Variants in PDZRN4 observed in about 807,000 individuals in gnomAD.
The protein encoded by PDZRN4 is PDZ domain-containing RING finger protein 4.
A neutral mutation model predicts 99.0 loss-of-function variants in PDZRN4; 70 were observed. The observed-to-expected ratio is 0.71, with a 90% confidence interval of 0.58 to 0.86. The LOEUF (loss-of-function observed/expected upper bound fraction) is 0.86, where lower values mean the gene tolerates loss of function less well. Ranked by LOEUF, PDZRN4 falls within the 40% of genes least tolerant of loss-of-function variation. PDZRN4 has a pLI of 0.00. For synonymous variants in PDZRN4, 551 were observed against 501.6 expected, an observed-to-expected ratio of 1.10 and a Z score of -1.32; for missense variants, 1,474 against 1,331.2, an observed-to-expected ratio of 1.11 and a Z score of -1.67.
chr12:41,540,445 T>A (rs745796033), intron 5 of PDZRN4, among the ~76,000 whole-genome samples: 41 of 152,206 alleles, frequency 2.7e-4, no homozygotes, highest in Admixed American at 6.5e-4. Context: ...CTTTCTTTGA[T>A]CTACCTTCAG....
intron 3 of PDZRN4, among the ~76,000 whole-genome samples, chr12:41,346,245 G>A (rs1354558235): frequency 6.6e-6 from 1 of 152,068 alleles, no homozygotes; most frequent in African/African-American, 2.4e-5. Context: ...GGCAGATCAC[G>A]AGGTCAGGAG....
At chr12:41,336,586 T>C (rs1951776323) in intron 3 of PDZRN4, among the ~76,000 whole-genome samples, 1 of 152,084 alleles carries the variant, frequency 6.6e-6, no homozygotes, top group Non-Finnish European at 1.5e-5. Context: ...CAGAGCCAAT[T>C]TATCAAGACA....
At chr12:41,341,930 C>A (rs976511074) in intron 3 of PDZRN4, among the ~76,000 whole-genome samples, 1 of 151,878 alleles carries the variant, frequency 6.6e-6, no homozygotes, top group African/African-American at 2.4e-5. Context: ...GAAGGTATCA[C>A]ACTACTTGAC....
At chr12:41,485,630 G>T (rs1466560937) in intron 3 of PDZRN4, among the ~76,000 whole-genome samples, 1 of 151,848 alleles carries the variant, frequency 6.6e-6, no homozygotes, top group East Asian at 1.9e-4. Flanking sequence ...AACAAAAATA[G>T]CTTATTACCT....
At chr12:41,420,668 T>C (rs139215798) in intron 3 of PDZRN4, among the ~76,000 whole-genome samples, 31 of 152,284 alleles carry the variant, frequency 2.0e-4, no homozygotes, top group East Asian at 1.9e-3. Flanking sequence ...CTCCCTTAAC[T>C]CTTGTCTTTA....
chr12:41,350,845 T>G (rs918298626), intron 3 of PDZRN4, among the ~76,000 whole-genome samples: 4 of 151,556 alleles, frequency 2.6e-5, no homozygotes, highest in Admixed American at 2.6e-4. Flanking sequence ...GGACTGGAGT[T>G]TGTCTGACCC....
chr12:41,273,530 T>C (rs561346389), intron 3 of PDZRN4, among the ~76,000 whole-genome samples: 2 of 152,186 alleles, frequency 1.3e-5, no homozygotes, highest in South Asian at 4.1e-4. Context: ...ATAGGGCATC[T>C]CCCAGAGATG....
At chr12:41,531,255 T>C (rs1286896275) in intron 5 of PDZRN4, among the ~76,000 whole-genome samples, 1 of 152,034 alleles carries the variant, frequency 6.6e-6, no homozygotes, top group African/African-American at 2.4e-5. Context: ...AGGGAGATGA[T>C]TTTCCCTCGG....
At position 41,189,031 on chromosome 12, in the gene PDZRN4, C is replaced by A; in HGVS notation, c.576C>A (p.Tyr192Ter). Residue 192 changes from tyrosine to a stop codon, truncating the protein, a stop_gained, in exon 1 of 10, where the codon TAC (tyrosine) becomes TAA (stop). Coordinates refer to ENST00000402685, the MANE Select transcript of PDZRN4 (RefSeq NM_001164595.2). LOFTEE classifies it high-confidence loss of function. The stretch of plus-strand genomic sequence containing the variant: ...AGGTGCAGCTCACGGCGCGCAGGTA[C>A]CAGGAGAAGTTCACCCAATACATGG... ...QGEVQLTARRYQEKFTQYMAH... is the reference protein window; with the variant it reads ...QGEVQLTARR 1.9e-6 allele frequency: 3 copies of A among 1,569,632 alleles called. No homozygotes were observed. Among genetic ancestry groups the A allele is most frequent in the East Asian group, 2.3e-5 (1 of 43,156 alleles).
intron 3 of PDZRN4, among the ~76,000 whole-genome samples, chr12:41,440,752 C>T (rs543572553): frequency 1.3e-5 from 2 of 152,248 alleles, no homozygotes; most frequent in East Asian, 1.9e-4. Context: ...CATCTTTATG[C>T]ACCTATTAAC....
At chr12:41,477,378 C>A (rs1937613024) in intron 3 of PDZRN4, among the ~76,000 whole-genome samples, 1 of 152,146 alleles carries the variant, frequency 6.6e-6, no homozygotes, top group South Asian at 2.1e-4. Flanking sequence ...AATAAATGAA[C>A]AGGCTCTCAC....
chr12:41,355,624 A>G (rs1305450588), intron 3 of PDZRN4, among the ~76,000 whole-genome samples: 3 of 152,110 alleles, frequency 2.0e-5, no homozygotes, highest in Non-Finnish European at 4.4e-5. Context: ...AAATCTGTCA[A>G]TGGTAAACCA....
At chr12:41,492,634 G>A (rs1005382699) in intron 3 of PDZRN4, among the ~76,000 whole-genome samples, 1 of 152,074 alleles carries the variant, frequency 6.6e-6, no homozygotes, top group Admixed American at 6.6e-5. Context: ...CTGTCCTAGC[G>A]TTTGTATTAA....
chr12:41,495,034 A>G (rs939937976), intron 3 of PDZRN4, among the ~76,000 whole-genome samples: 1 of 152,124 alleles, frequency 6.6e-6, no homozygotes, highest in Non-Finnish European at 1.5e-5. Flanking sequence ...CAACTTCTAT[A>G]TATTCTCTTT....
intron 5 of PDZRN4, among the ~76,000 whole-genome samples, chr12:41,510,248 T>G (rs1638546165): frequency 6.6e-6 from 1 of 152,124 alleles, no homozygotes; most frequent in Non-Finnish European, 1.5e-5. Context: ...AAAGATTGTG[T>G]TTACTATTTT....
chr12:41,475,737 C>T (rs925516669), intron 3 of PDZRN4, among the ~76,000 whole-genome samples: 1 of 152,066 alleles, frequency 6.6e-6, no homozygotes, highest in Non-Finnish European at 1.5e-5. Flanking sequence ...ACCATAATTC[C>T]TTTTGTATGC....
intron 2 of PDZRN4, among the ~76,000 whole-genome samples, 173 bp downstream of exon 2, chr12:41,191,717 A>G (rs1332802768): frequency 1.3e-5 from 2 of 152,158 alleles, no homozygotes; most frequent in African/African-American, 4.8e-5. Context: ...AGATTTCTTA[A>G]TGCAAATATT....
chr12:41,542,372 G>T (rs968242696), intron 5 of PDZRN4, among the ~76,000 whole-genome samples: 1 of 151,964 alleles, frequency 6.6e-6, no homozygotes, highest in Admixed American at 6.6e-5. Context: ...AGACACTAAG[G>T]GTTGAAAGAA....
intron 3 of PDZRN4, among the ~76,000 whole-genome samples, chr12:41,469,955 A>T (rs1028516392): frequency 2.1e-4 from 32 of 152,142 alleles, no homozygotes; most frequent in African/African-American, 4.3e-4. Context: ...AAAATAAAAA[A>T]AATAAAAATA....
Sources: gnomAD v4.1 joint callset for allele counts (sites outside exome capture counted in the v4.1 genomes callset) on GRCh38, gnomAD v4.1.1 for gene constraint, MANE v1.5 for transcripts, NCBI Gene and HGNC (gene_info 2026-07-23, HGNC 2026-07-21) for gene names.